Variants in PAX3 observed in about 807,000 individuals in gnomAD.
PAX3 encodes paired box 3.
PAX3 carries 14 observed loss-of-function variants against 51.6 expected under a neutral mutation model. The ratio of observed to expected loss-of-function variants is 0.27; its 90% confidence interval spans 0.18 to 0.42. PAX3 has a LOEUF of 0.42. Among genes scored for constraint, PAX3 ranks in the 10% least tolerant of loss-of-function variants. The pLI, the probability that PAX3 is intolerant of heterozygous loss-of-function variation, is 1.00. For missense variants in PAX3, 540 were observed against 642.8 expected, an observed-to-expected ratio of 0.84 and a Z score of 1.73; for synonymous variants, 280 against 253.4, an observed-to-expected ratio of 1.11 and a Z score of -1.00.
At chr2:222,275,809 A>G (rs974257722) in intron 4 of PAX3, among the ~76,000 whole-genome samples, 2 of 152,268 alleles carry the variant, frequency 1.3e-5, no homozygotes, top group African/African-American at 2.4e-5. Flanking sequence ...TTTAATCTTC[A>G]TGAGTTTTCT....
chr2:222,250,893 T>C (rs1693404420), intron 4 of PAX3, among the ~76,000 whole-genome samples: 1 of 152,146 alleles, frequency 6.6e-6, no homozygotes, highest in African/African-American at 2.4e-5. Flanking sequence ...ACATGATCAT[T>C]TGAGGGAGAT....
chr2:222,293,879 G>A (rs1695141846), intron 4 of PAX3: 1 of 1,606,490 alleles, frequency 6.2e-7, no homozygotes, highest in Non-Finnish European at 8.5e-7. Context: ...AGCTTCCCCT[G>A]CCCCCTACAA....
chr2:222,217,650 T>C (rs1438396508), intron 7 of PAX3, among the ~76,000 whole-genome samples: 4 of 152,176 alleles, frequency 2.6e-5, no homozygotes, highest in African/African-American at 9.6e-5. Context: ...GTCCGTGTTA[T>C]ATGATCCAAT....
At chr2:222,263,133 C>T (rs777191379) in intron 4 of PAX3, 1 of 152,096 alleles carries the variant, frequency 6.6e-6, no homozygotes, top group South Asian at 2.1e-4. Context: ...CAAAATAAAA[C>T]TTTCATTCTG....
intron 5 of PAX3, among the ~76,000 whole-genome samples, chr2:222,230,322 A>G (rs975046422): frequency 3.3e-5 from 5 of 151,848 alleles, no homozygotes; most frequent in African/African-American, 1.2e-4. Flanking sequence ...ACAGAAAACC[A>G]AACACTGCAT....
chr2:222,283,024 T>A (rs1351459045), intron 4 of PAX3, among the ~76,000 whole-genome samples: 1 of 152,204 alleles, frequency 6.6e-6, no homozygotes, highest in Non-Finnish European at 1.5e-5. Context: ...TTGGTCTCAA[T>A]GCAGAAGCTA....
rs150411507 is a variant in PAX3 at position 222,203,885 on chromosome 2, C to T, written c.1174-1695G>A. ...CCTCCATTTTAACAGAAAATTTGAACGGATGTCCCTGCCTTCCCCAGAAAT... is the reference window on the plus strand; with the variant it reads ...CCTCCATTTTAACAGAAAATTTGAATGGATGTCCCTGCCTTCCCCAGAAAT... On this transcript the variant is annotated intron_variant, in intron 7 of 8. Coordinates refer to ENST00000392070, the MANE Select transcript of PAX3 (RefSeq NM_181458.4). 5.3e-3 allele frequency among the ~76,000 whole-genome samples: 807 copies of T among 152,230 alleles called. 6 individuals are homozygous for T. Among genetic ancestry groups the T allele is most frequent in the African/African-American group, 0.018 (754 of 41,520 alleles).
rs71053066 is a variant in PAX3, at chr2:222,284,612, C to CGTGT, written c.586+9551_586+9554dup. On this transcript the variant is annotated intron_variant, in intron 4 of 8. Transcript: ENST00000392070. ...GTGGTGTGGGGTGTGTGTCTGTGTG[C>CGTGT]GTGTGTGTGTGTGTGTGTGTGTGTG... Among the ~76,000 whole-genome samples, 25 of 150,452 alleles carry CGTGT rather than the reference C, an allele frequency of 1.7e-4. No homozygotes were observed. In the South Asian group the frequency reaches 2.7e-3, roughly 16 times the overall value.
chr2:222,225,124 T>C (rs1692336661), intron 5 of PAX3, among the ~76,000 whole-genome samples: 2 of 152,222 alleles, frequency 1.3e-5, no homozygotes, highest in African/African-American at 4.8e-5. Context: ...TAACCTACTA[T>C]ACTATTAGAC....
intron 7 of PAX3, among the ~76,000 whole-genome samples, chr2:222,204,778 A>G (rs1175648493): frequency 6.6e-6 from 1 of 152,216 alleles, no homozygotes; most frequent in Non-Finnish European, 1.5e-5. Flanking sequence ...AAAGGAAAAT[A>G]AACTCTAAAT....
intron 7 of PAX3, among the ~76,000 whole-genome samples, chr2:222,212,276 AT>A (rs970237126): frequency 4.7e-4 from 72 of 152,238 alleles, no homozygotes; most frequent in African/African-American, 1.6e-3. Flanking sequence ...AGACATCAGT[AT>A]TTTTGTGAGA....
intron 4 of PAX3, among the ~76,000 whole-genome samples, chr2:222,258,164 T>C (rs1693716340): frequency 6.6e-6 from 1 of 152,162 alleles, no homozygotes; most frequent in African/African-American, 2.4e-5. Flanking sequence ...CCATATTACA[T>C]CATCCAGCTT....
At chr2:222,259,161 C>T (rs538372794) in intron 4 of PAX3, among the ~76,000 whole-genome samples, 2 of 152,024 alleles carry the variant, frequency 1.3e-5, no homozygotes, top group African/African-American at 2.4e-5. Flanking sequence ...TGGTTTCTTG[C>T]GAAAGGAAAA....
At chr2:222,250,414 C>T (rs1693384742) in intron 4 of PAX3, among the ~76,000 whole-genome samples, 1 of 152,068 alleles carries the variant, frequency 6.6e-6, no homozygotes. Flanking sequence ...CTAGTACCCT[C>T]CCAAACTTGA....
intron 7 of PAX3, among the ~76,000 whole-genome samples, chr2:222,211,571 C>T (rs1299543456): frequency 6.6e-6 from 1 of 151,994 alleles, no homozygotes; most frequent in Non-Finnish European, 1.5e-5. Context: ...AGACAGAAGA[C>T]ACCATCAGAC....
Position 222,232,106 on chromosome 2 carries a change from C to T in PAX3, c.764G>A (p.Arg255Lys), listed in dbSNP as rs755602285. 4.3e-6 allele frequency: 7 copies of T among 1,614,020 alleles called. No individual in the cohort carries two copies. The highest frequency in any genetic ancestry group is 5.9e-6 in the Non-Finnish European group (7 of 1,179,958). ...TACTCGGGCCTCGGTGAGCTTCGCCCTCTGGGCCAGTTCCTCCCTAGTATA... is the reference window on the plus strand; with the variant it reads ...TACTCGGGCCTCGGTGAGCTTCGCCTTCTGGGCCAGTTCCTCCCTAGTATA... ...DIYTREELAQRAKLTEARVQV... is the reference protein window; with the variant it reads ...DIYTREELAQKAKLTEARVQV... Residue 255 changes from arginine (R) to lysine (K), a missense_variant, in exon 5 of 9, where the codon AGG becomes AAG. By Grantham distance (26) the Arg-to-Lys change is conservative (BLOSUM62 2). Transcript: ENST00000392070.
rs548421194 is a variant in PAX3, at chr2:222,231,310, G to A, written c.792+768C>T. On this transcript the variant is annotated intron_variant, in intron 5 of 8. Coordinates refer to ENST00000392070, the MANE Select transcript of PAX3 (RefSeq NM_181458.4). ...GGTGAGGAGTTCGAGGATACCCTAC[G>A]ATATCTGCCATCTTTCAAACACTGT... Among the ~76,000 whole-genome samples, 5 of 152,232 alleles carry A rather than the reference G, an allele frequency of 3.3e-5. No homozygotes were observed. The East Asian group carries it at 7.7e-4, about 23-fold the overall frequency.
intron 4 of PAX3, among the ~76,000 whole-genome samples, chr2:222,245,967 C>A (rs147060900): frequency 6.6e-6 from 1 of 151,122 alleles, no homozygotes; most frequent in Non-Finnish European, 1.5e-5. Context: ...GGTGACAGAG[C>A]GAGACTCTGT....
Position 222,201,286 on chromosome 2 carries a change from G to A in PAX3, c.*122C>T. On this transcript the variant is annotated 3_prime_UTR_variant, in exon 9 of 9. Coordinates refer to ENST00000392070, the MANE Select transcript of PAX3 (RefSeq NM_181458.4). Reference sequence around the variant, plus strand: ...ATCACTCTCCTTTGTCTCCTATTGGGACCACTGCCCCACCCCCCCCAACAA... The same window carrying A: ...ATCACTCTCCTTTGTCTCCTATTGGAACCACTGCCCCACCCCCCCCAACAA... The A allele has an allele frequency of 6.2e-7, 1 of 1,612,166 alleles. No homozygotes were observed. The highest frequency in any genetic ancestry group is 1.1e-5 in the South Asian group (1 of 90,992).
Sources: allele counts gnomAD v4.1 joint callset (sites outside exome capture counted in the v4.1 genomes callset), GRCh38; gene constraint gnomAD v4.1.1; transcripts MANE v1.5; gene names NCBI Gene and HGNC (gene_info 2026-07-23, HGNC 2026-07-21).